Variants in B3GLCT observed in about 807,000 individuals in gnomAD.
B3GLCT encodes the protein beta 3-glucosyltransferase.
B3GLCT carries 65 observed loss-of-function variants against 63.4 expected under a neutral mutation model. That is an observed-to-expected ratio of 1.03 (90% CI 0.84 to 1.26). The LOEUF is 1.26. Ranked by LOEUF, B3GLCT falls within the 50% of genes most tolerant of loss-of-function variation. B3GLCT has a pLI of 0.00. For synonymous variants in B3GLCT, 233 were observed against 219.2 expected, an observed-to-expected ratio of 1.06 and a Z score of -0.55; for missense variants, 577 against 604.8, an observed-to-expected ratio of 0.95 and a Z score of 0.48.
intron 4 of B3GLCT, among the ~76,000 whole-genome samples, chr13:31,237,376 G>A (rs1870708610): frequency 8.2e-6 from 1 of 122,422 alleles, no homozygotes; most frequent in African/African-American, 3.0e-5. Flanking sequence ...TTTTTTAGAT[G>A]GAGTTTTGCT....
intron 12 of B3GLCT, among the ~76,000 whole-genome samples, chr13:31,308,515 G>A (rs1325277554): frequency 6.6e-6 from 1 of 151,886 alleles, no homozygotes; most frequent in Admixed American, 6.6e-5. Context: ...CATCAGGCTT[G>A]CTGTTCCCTC....
chr13:31,265,808 CAAGTGGGACTGAAAAAGTTAGCCTGG>C (rs1872269559), intron 7 of B3GLCT, among the ~76,000 whole-genome samples: 1 of 152,042 alleles, frequency 6.6e-6, no homozygotes, highest in South Asian at 2.1e-4. Flanking sequence ...GACTGATTCA[CAAGTGGGACTGAAAAAGTTAGCCTGG>C]AAGTGGGACT....
chr13:31,308,340 A>AAATT (rs1405275699), intron 12 of B3GLCT, among the ~76,000 whole-genome samples: 2 of 15,364 alleles, frequency 1.3e-4, no homozygotes, highest in African/African-American at 1.8e-4. Flanking sequence ...AATAAAAAAA[A>AAATT]AAAAATTAAA....
intron 12 of B3GLCT, among the ~76,000 whole-genome samples, chr13:31,300,737 G>T (rs1874181193): frequency 6.6e-6 from 1 of 152,132 alleles, no homozygotes; most frequent in African/African-American, 2.4e-5. Context: ...CCAATCTTAG[G>T]TTCTACAATA....
chr13:31,277,564 G>A (rs188581041), intron 10 of B3GLCT, among the ~76,000 whole-genome samples: 20 of 152,072 alleles, frequency 1.3e-4, no homozygotes, highest in African/African-American at 4.8e-4. Flanking sequence ...CCAAGGATGT[G>A]GTATTTATGT....
At chr13:31,297,280 G>A (rs1269605805) in intron 12 of B3GLCT, among the ~76,000 whole-genome samples, 2 of 150,452 alleles carry the variant, frequency 1.3e-5, no homozygotes, top group Non-Finnish European at 2.9e-5. Flanking sequence ...CCATCACACT[G>A]TTTTCCCATA....
At chr13:31,308,347 T>TTAAAAAAAAAA (rs1450252463) in intron 12 of B3GLCT, among the ~76,000 whole-genome samples, 10 of 23,688 alleles carry the variant, frequency 4.2e-4, no homozygotes, top group South Asian at 2.3e-3. Context: ...AAAAAAAAAT[T>TTAAAAAAAAAA]AAAAAAAAAA....
intron 1 of B3GLCT, among the ~76,000 whole-genome samples, chr13:31,213,624 C>CA (rs1555244561): frequency 5.5e-5 from 4 of 73,024 alleles, no homozygotes; most frequent in Admixed American, 1.3e-4. Flanking sequence ...CCACCCCACC[C>CA]CCCCCCCCCG....
At chr13:31,313,814 C>T (rs897009992) in intron 12 of B3GLCT, among the ~76,000 whole-genome samples, 2 of 152,194 alleles carry the variant, frequency 1.3e-5, no homozygotes, top group African/African-American at 4.8e-5. Context: ...AGCTCCTTCC[C>T]CTGCTCCCCT....
intron 12 of B3GLCT, among the ~76,000 whole-genome samples, chr13:31,300,381 TC>T (rs1221145895): frequency 1.3e-5 from 2 of 152,188 alleles, no homozygotes. Flanking sequence ...GATGTGTTCT[TC>T]CTGCCTGCTG....
intron 4 of B3GLCT, among the ~76,000 whole-genome samples, chr13:31,234,797 G>A (rs751615324): frequency 9.2e-5 from 14 of 152,270 alleles, no homozygotes; most frequent in South Asian, 2.1e-4. Context: ...GGCAATACAT[G>A]TAGCAGTGAC....
intron 12 of B3GLCT, among the ~76,000 whole-genome samples, chr13:31,295,203 G>A (rs1241290958): frequency 2.0e-5 from 3 of 152,162 alleles, no homozygotes; most frequent in African/African-American, 4.8e-5. Context: ...TCCCAGACGG[G>A]CACGCGCCAG....
At chr13:31,222,645 C>T (rs1267035740) in intron 2 of B3GLCT, among the ~76,000 whole-genome samples, 3 of 152,182 alleles carry the variant, frequency 2.0e-5, no homozygotes, top group African/African-American at 7.2e-5. Flanking sequence ...ATATCATGAA[C>T]CAGTTAAACA....
chr13:31,327,840 A>C (rs1875712097), intron 14 of B3GLCT, among the ~76,000 whole-genome samples: 1 of 152,184 alleles, frequency 6.6e-6, no homozygotes. Context: ...GAGCAGTTAT[A>C]ATTTCTTAAA....
At chr13:31,270,117 G>A (rs143769969) in intron 8 of B3GLCT, among the ~76,000 whole-genome samples, 10 of 152,274 alleles carry the variant, frequency 6.6e-5, no homozygotes, top group African/African-American at 2.4e-4. Context: ...CTAGAGGCAG[G>A]TGGCAGTTGT....
intron 6 of B3GLCT, among the ~76,000 whole-genome samples, chr13:31,250,266 C>T (rs1871368534): frequency 6.6e-6 from 1 of 152,224 alleles, no homozygotes; most frequent in African/African-American, 2.4e-5. Flanking sequence ...CTCCACCTCC[C>T]AGGTTCAATC....
At chr13:31,221,124 A>G (rs1869792899) in intron 2 of B3GLCT, among the ~76,000 whole-genome samples, 1 of 152,208 alleles carries the variant, frequency 6.6e-6, no homozygotes, top group Non-Finnish European at 1.5e-5. Context: ...ACCTTGGGAA[A>G]ATGATTTATC....
intron 2 of B3GLCT, among the ~76,000 whole-genome samples, chr13:31,221,848 G>A (rs1869826508): frequency 6.6e-6 from 1 of 152,228 alleles, no homozygotes; most frequent in Non-Finnish European, 1.5e-5. Context: ...GCATATGACT[G>A]TTGAAAGCAA....
At chr13:31,210,705 A>G (rs1314987210) in intron 1 of B3GLCT, among the ~76,000 whole-genome samples, 8 of 152,324 alleles carry the variant, frequency 5.3e-5, no homozygotes, top group Non-Finnish European at 8.8e-5. Context: ...TTAGTGGTAT[A>G]GCATATTCAG....
Sources: allele counts gnomAD v4.1 joint callset (sites outside exome capture counted in the v4.1 genomes callset), GRCh38; gene constraint gnomAD v4.1.1; transcripts MANE v1.5; gene names NCBI Gene and HGNC (gene_info 2026-07-23, HGNC 2026-07-21).